Variants in VPS13B observed in about 807,000 individuals in gnomAD.
VPS13B encodes intermembrane lipid transfer protein VPS13B.
A neutral mutation model predicts 426.4 loss-of-function variants in VPS13B; 285 were observed. That is an observed-to-expected ratio of 0.67 (90% CI 0.61 to 0.74). The LOEUF is 0.74. VPS13B is among the 30% of genes least tolerant of loss of function. VPS13B has a pLI of 0.00. For synonymous variants in VPS13B, 1,676 were observed against 1,676.4 expected (o/e 1.00, Z 0.01); for missense variants, 4,537 against 4,782.6 (o/e 0.95, Z 1.51).
chr8:99,270,301 G>C (rs1245697170), intron 17 of VPS13B, among the ~76,000 whole-genome samples: 1 of 150,988 alleles, frequency 6.6e-6, no homozygotes, highest in East Asian at 1.9e-4. Flanking sequence ...ACCATGCTTG[G>C]CTAATTTTTA....
chr8:99,305,374 T>C (rs1366275805), intron 19 of VPS13B, among the ~76,000 whole-genome samples: 1 of 152,130 alleles, frequency 6.6e-6, no homozygotes, highest in Non-Finnish European at 1.5e-5. Context: ...TACATTGTAC[T>C]AGGTATTATA....
intron 54 of VPS13B, among the ~76,000 whole-genome samples, chr8:99,837,978 C>A (rs1183704263): frequency 6.6e-6 from 1 of 152,172 alleles, no homozygotes; most frequent in African/African-American, 2.4e-5. Context: ...CCTCTGCTTC[C>A]ATTGTATAAA....
chr8:99,488,284 T>A (rs1820411649), intron 25 of VPS13B, among the ~76,000 whole-genome samples: 1 of 152,108 alleles, frequency 6.6e-6, no homozygotes, highest in African/African-American at 2.4e-5. Context: ...GCAGAAAATA[T>A]GGGTCCCAAA....
intron 36 of VPS13B, among the ~76,000 whole-genome samples, chr8:99,712,450 T>C (rs1033513338): frequency 5.9e-5 from 9 of 152,198 alleles, no homozygotes; most frequent in Admixed American, 5.2e-4. Flanking sequence ...TCCCATAAAG[T>C]TCCCCATCCT....
rs370855171 is a variant in VPS13B, at chr8:99,192,892, A to C, written c.2350A>C (p.Ile784Leu). 8 of 1,613,236 alleles carry C rather than the reference A, an allele frequency of 5.0e-6. No homozygotes were observed. Among genetic ancestry groups the C allele is most frequent in the Non-Finnish European group, 6.8e-6 (8 of 1,179,764 alleles). Residue 784 changes from isoleucine to leucine, a missense_variant, in exon 17 of 62, where the codon ATT becomes CTT. By Grantham distance (5) the Ile-to-Leu change is conservative. This residue lies in a region of VPS13B where 4,311 missense variants were observed against 4,474.3 expected (regional missense o/e 0.96). Transcript: ENST00000357162. ...LPTCWTKRSQ[I>L]AITEGIFELP... ...CTTGTGCAGGACCAAAAGATCTCAG[A>C]TTGCTATAACTGAAGGTATATTTGA... is the stretch of plus-strand genomic sequence containing the variant.
At chr8:99,284,720 T>TTGTGTGTG (rs756599409) in intron 19 of VPS13B, among the ~76,000 whole-genome samples, 966 of 53,702 alleles carry the variant, frequency 0.018, 9 homozygotes, top group African/African-American at 0.059. Context: ...CTGGCTAAAT[T>TTGTGTGTG]TGTGTGTGTG....
At chr8:99,126,308 G>A (rs1375985555) in intron 8 of VPS13B, among the ~76,000 whole-genome samples, 1 of 152,146 alleles carries the variant, frequency 6.6e-6, no homozygotes, top group Non-Finnish European at 1.5e-5. Flanking sequence ...GTATAAAATT[G>A]TCATCTTGGG....
chr8:99,523,752 T>C (rs993868800), intron 30 of VPS13B, among the ~76,000 whole-genome samples: 4 of 152,122 alleles, frequency 2.6e-5, no homozygotes, highest in African/African-American at 9.7e-5. Flanking sequence ...TAACTGGAAT[T>C]CTTTCCCTAG....
intron 35 of VPS13B, among the ~76,000 whole-genome samples, chr8:99,671,265 G>A (rs775065631): frequency 2.6e-5 from 4 of 151,890 alleles, no homozygotes; most frequent in Non-Finnish European, 5.9e-5. Flanking sequence ...ATACCTGTTG[G>A]CCATTTGTAT....
chr8:99,466,430 A>T (rs1480698208), intron 23 of VPS13B, among the ~76,000 whole-genome samples: 1 of 152,152 alleles, frequency 6.6e-6, no homozygotes, highest in African/African-American at 2.4e-5. Flanking sequence ...TGTAAAGTCC[A>T]AAATACAAAT....
chr8:99,343,703 A>T, intron 19 of VPS13B, among the ~76,000 whole-genome samples: 1 of 152,356 alleles, frequency 6.6e-6, no homozygotes, highest in Admixed American at 6.5e-5. Flanking sequence ...AGCAGCAACA[A>T]CAGCAACAAC....
intron 27 of VPS13B, among the ~76,000 whole-genome samples, chr8:99,505,221 T>C (rs1414442116): frequency 6.6e-6 from 1 of 152,232 alleles, no homozygotes; most frequent in African/African-American, 2.4e-5. Flanking sequence ...CTGTTTCACT[T>C]TCTTGTCATT....
At chr8:99,415,760 G>T (rs1031790644) in intron 21 of VPS13B, among the ~76,000 whole-genome samples, 1 of 152,186 alleles carries the variant, frequency 6.6e-6, no homozygotes, top group Admixed American at 6.5e-5. Context: ...GAACAGCAAA[G>T]ATTGCTGCCT....
At chr8:99,237,886 T>A (rs199695179) in intron 17 of VPS13B, among the ~76,000 whole-genome samples, 2 of 138,070 alleles carry the variant, frequency 1.4e-5, no homozygotes, top group Admixed American at 7.1e-5. Context: ...TTTTTTTTTT[T>A]AATTAAGAAT....
chr8:99,579,860 G>A (rs969917293), intron 33 of VPS13B, among the ~76,000 whole-genome samples: 8 of 151,742 alleles, frequency 5.3e-5, no homozygotes, highest in Non-Finnish European at 1.0e-4. Flanking sequence ...ACCATACCCA[G>A]CTAATTTTTG....
At chr8:99,614,237 T>G (rs979432595) in intron 33 of VPS13B, among the ~76,000 whole-genome samples, 2 of 151,410 alleles carry the variant, frequency 1.3e-5, no homozygotes, top group African/African-American at 4.9e-5. Context: ...AAAATAGTTT[T>G]TATTTTAAAT....
chr8:99,370,827 C>G (rs140828063), intron 19 of VPS13B, among the ~76,000 whole-genome samples: 5 of 152,156 alleles, frequency 3.3e-5, no homozygotes, highest in African/African-American at 1.2e-4. Flanking sequence ...CCAGGCTGGT[C>G]TCGAACTCCT....
At chr8:99,766,523 G>T (rs1464445534) in intron 39 of VPS13B, among the ~76,000 whole-genome samples, 1 of 152,118 alleles carries the variant, frequency 6.6e-6, no homozygotes, top group Admixed American at 6.5e-5. Flanking sequence ...ACACCTTGTA[G>T]AATTTGTTCT....
chr8:99,479,320 T>G (rs1036895050), intron 24 of VPS13B, among the ~76,000 whole-genome samples: 1 of 152,202 alleles, frequency 6.6e-6, no homozygotes, highest in African/African-American at 2.4e-5. Context: ...GTGAATAAAT[T>G]TTTTAAACAT....
Sources: allele counts gnomAD v4.1 joint callset (sites outside exome capture counted in the v4.1 genomes callset), GRCh38; gene constraint gnomAD v4.1.1; regional missense constraint gnomAD v4.1.1; transcripts MANE v1.5; gene names NCBI Gene and HGNC (gene_info 2026-07-23, HGNC 2026-07-21).